The following UMAD1 variants were observed in gnomAD, a reference collection of about 807,000 sequenced individuals.
UMAD1 encodes the protein UBAP1-MVB12-associated (UMA)-domain containing protein 1.
A neutral mutation model predicts 6.1 loss-of-function variants in UMAD1; 8 were observed. The observed-to-expected ratio is 1.30, with a 90% CI of 0.76 to 2.35. The LOEUF (loss-of-function observed/expected upper bound fraction) is 2.35, where lower values mean the gene tolerates loss of function less well. Ranked by LOEUF, UMAD1 falls within the 30% of genes most tolerant of loss-of-function variation. The pLI, the probability that UMAD1 is intolerant of heterozygous loss-of-function variation, is 0.00. For missense variants in UMAD1, 130 were observed against 78.4 expected, an observed-to-expected ratio of 1.66 and a Z score of -2.49; for synonymous variants, 56 against 31.4, an observed-to-expected ratio of 1.78 and a Z score of -2.61.
At chr7:7,850,192 C>T (rs911897464) in intron 3 of UMAD1, among the ~76,000 whole-genome samples, 1 of 152,052 alleles carries the variant, frequency 6.6e-6, no homozygotes, top group African/African-American at 2.4e-5. Context: ...TTTAAGCTAT[C>T]ATAAAACTTT....
At chr7:7,669,569 T>A (rs568113390) in intron 1 of UMAD1, among the ~76,000 whole-genome samples, 1 of 152,326 alleles carries the variant, frequency 6.6e-6, no homozygotes, top group African/African-American at 2.4e-5. Flanking sequence ...GATACATGGT[T>A]AGACTGACCT....
intron 3 of UMAD1, among the ~76,000 whole-genome samples, chr7:7,822,973 G>T (rs1783269236): frequency 6.6e-6 from 1 of 151,966 alleles, no homozygotes; most frequent in South Asian, 2.1e-4. Flanking sequence ...TGTCTGTGAG[G>T]TTATAGTGCT....
intron 1 of UMAD1, among the ~76,000 whole-genome samples, chr7:7,659,692 G>A (rs1785427945): frequency 6.6e-6 from 1 of 152,090 alleles, no homozygotes; most frequent in South Asian, 2.1e-4. Context: ...CCGTTCTTTT[G>A]CATTTCCTGA....
intron 3 of UMAD1, among the ~76,000 whole-genome samples, chr7:7,809,869 T>C (rs1782989866): frequency 6.6e-6 from 1 of 152,104 alleles, no homozygotes; most frequent in African/African-American, 2.4e-5. Flanking sequence ...TCCTTGTTGC[T>C]TTTATTTCAG....
intron 3 of UMAD1, among the ~76,000 whole-genome samples, chr7:7,806,741 T>G (rs1346212162): frequency 6.6e-6 from 1 of 152,204 alleles, no homozygotes; most frequent in Non-Finnish European, 1.5e-5. Context: ...CAGTTAGCTT[T>G]AAATATATAT....
chr7:7,711,062 G>T lies in UMAD1; in HGVS notation c.82+37609G>T, dbSNP rs150460799. The stretch of plus-strand genomic sequence containing the variant: ...TGGGGTGAAAGTTAGAGGCAAGTGT[G>T]TGTGGCTATAGAAGGATAACACTGG... On this transcript the variant is annotated intron_variant, in intron 2 of 3. Coordinates refer to ENST00000682710, the MANE Select transcript of UMAD1 (RefSeq NM_001302348.2). 5.5e-3 allele frequency among the ~76,000 whole-genome samples: 834 copies of T among 152,304 alleles called. 5 individuals are homozygous for T. Among genetic ancestry groups the T allele is most frequent in the African/African-American group, 0.018 (728 of 41,572 alleles).
intron 1 of UMAD1, among the ~76,000 whole-genome samples, chr7:7,649,431 G>C (rs1047462112): frequency 6.6e-6 from 1 of 152,102 alleles, no homozygotes; most frequent in Non-Finnish European, 1.5e-5. Context: ...CTCATAACCT[G>C]GTTACCTTTT....
chr7:7,793,874 TAATG>T (rs1317171362), intron 2 of UMAD1, among the ~76,000 whole-genome samples: 1 of 152,224 alleles, frequency 6.6e-6, no homozygotes, highest in African/African-American at 2.4e-5. Context: ...CATGGTGTGT[TAATG>T]AAGCTCTGCA....
chr7:7,770,384 A>T (rs1051640664), intron 2 of UMAD1, among the ~76,000 whole-genome samples: 1 of 152,106 alleles, frequency 6.6e-6, no homozygotes, highest in Non-Finnish European at 1.5e-5. Flanking sequence ...TTCTTACCAC[A>T]GTCCCTTTCC....
intron 1 of UMAD1, among the ~76,000 whole-genome samples, chr7:7,652,525 A>G (rs1415750768): frequency 6.6e-6 from 1 of 152,224 alleles, no homozygotes; most frequent in Non-Finnish European, 1.5e-5. Context: ...TGGTTAATGC[A>G]TGGTTGATGC....
intron 1 of UMAD1, among the ~76,000 whole-genome samples, chr7:7,643,304 A>G (rs544510881): frequency 6.6e-6 from 1 of 152,362 alleles, no homozygotes; most frequent in African/African-American, 2.4e-5. Flanking sequence ...GAAGCCTCAG[A>G]TGGGCGTGCA....
At chr7:7,656,583 TG>T (rs1785349400) in intron 1 of UMAD1, among the ~76,000 whole-genome samples, 1 of 152,162 alleles carries the variant, frequency 6.6e-6, no homozygotes, top group African/African-American at 2.4e-5. Context: ...TTTCTGTTCT[TG>T]TGTTTGTTTG....
intron 3 of UMAD1, among the ~76,000 whole-genome samples, chr7:7,849,231 C>T (rs13227417): frequency 0.095 from 14,483 of 152,186 alleles, 838 homozygotes; most frequent in Middle Eastern, 0.16. Flanking sequence ...GACTGCCCAT[C>T]CCATTTCTTT....
Position 7,830,457 on chromosome 7 carries a change from TTA to T in UMAD1, c.156+28718_156+28719del, listed in dbSNP as rs1783441031. ...TTTTTTACCTCTATTAGGTAAAAAA[TTA>T]TATGTTTTGGTTTCTCTCTTTTGTA... On this transcript the variant is annotated intron_variant, in intron 3 of 3. Transcript: ENST00000682710. This position sits in a 1 kb window ranked among gnomAD's most constrained non-coding sequence, Gnocchi z 5.3. 6.6e-6 allele frequency among the ~76,000 whole-genome samples: 1 copy of T among 152,068 alleles called. No individual in the cohort carries two copies. The highest frequency in any genetic ancestry group is 1.5e-5 in the Non-Finnish European group (1 of 68,014).
At chr7:7,655,200 C>T (rs1211402020) in intron 1 of UMAD1, among the ~76,000 whole-genome samples, 1 of 151,986 alleles carries the variant, frequency 6.6e-6, no homozygotes, top group African/African-American at 2.4e-5. Flanking sequence ...GCAGACAGAG[C>T]CAGCCATTAA....
rs1227000456 is a variant in UMAD1, at chr7:7,751,702, A to G, written c.83-49968A>G. On this transcript the variant is annotated intron_variant, in intron 2 of 3. Coordinates refer to ENST00000682710, the MANE Select transcript of UMAD1 (RefSeq NM_001302348.2). ...CCCTGTTTACCTGTAATCAGAGGCA[A>G]ATTTACCAGGAGTAAATTTACTGGG... Among the ~76,000 whole-genome samples, 3 of 152,228 alleles carry G rather than the reference A, an allele frequency of 2.0e-5. No homozygotes were observed. The East Asian group carries it at 5.8e-4, about 29-fold the overall frequency.
intron 2 of UMAD1, among the ~76,000 whole-genome samples, chr7:7,765,195 G>C (rs1275354091): frequency 6.6e-6 from 1 of 151,854 alleles, no homozygotes; most frequent in Non-Finnish European, 1.5e-5. Context: ...CTCATATCTT[G>C]CCTCTCATCA....
At chr7:7,761,899 T>G (rs1023493497) in intron 2 of UMAD1, among the ~76,000 whole-genome samples, 5 of 152,218 alleles carry the variant, frequency 3.3e-5, no homozygotes, top group African/African-American at 1.2e-4. Context: ...CTTATCCGTC[T>G]CCTTTGCAGG....
chr7:7,761,363 T>TAAAA (rs375910269), intron 2 of UMAD1, among the ~76,000 whole-genome samples: 1 of 121,152 alleles, frequency 8.3e-6, no homozygotes, highest in Admixed American at 8.1e-5. Flanking sequence ...GAGACCTAAC[T>TAAAA]AAAAAAAAAA....
Sources: gnomAD v4.1 joint callset for allele counts (sites outside exome capture counted in the v4.1 genomes callset) on GRCh38, gnomAD v4.1.1 for gene constraint, Gnocchi (gnomAD v3.1) non-coding constraint, MANE v1.5 for transcripts, NCBI Gene and HGNC (gene_info 2026-07-23, HGNC 2026-07-21) for gene names.